Variants in RIN2 observed in about 807,000 individuals in gnomAD.
RIN2 encodes the protein Ras and Rab interactor 2, also known as RAB5 interacting protein 2.
Under a neutral mutation model 78.0 loss-of-function variants are expected in RIN2, and 36 were observed. That is an observed-to-expected ratio of 0.46 (90% CI 0.35 to 0.61). The LOEUF is 0.61. Ranked by LOEUF, RIN2 falls within the 20% of genes least tolerant of loss-of-function variation. The pLI, the probability that RIN2 is intolerant of heterozygous loss-of-function variation, is 0.00. For synonymous variants in RIN2, 466 were observed against 466.8 expected (o/e 1.00, Z 0.02); for missense variants, 1,087 against 1,159.7 (o/e 0.94, Z 0.91).
chr20:19,888,487 CCTGCAGCAGCAG>C (rs1247113872), intron 2 of RIN2, among the ~76,000 whole-genome samples: 7 of 152,210 alleles, frequency 4.6e-5, no homozygotes, highest in African/African-American at 1.7e-4. Flanking sequence ...CCTCAGTGAA[CCTGCAGCAGCAG>C]CTGCCTTAGC....
intron 2 of RIN2, among the ~76,000 whole-genome samples, chr20:19,841,667 T>C (rs1009507550): frequency 6.6e-6 from 1 of 152,120 alleles, no homozygotes; most frequent in African/African-American, 2.4e-5. Flanking sequence ...AGAAAAAGCA[T>C]TTAAGGATGC....
chr20:19,912,632 C>T (rs2039523766), intron 3 of RIN2, among the ~76,000 whole-genome samples: 1 of 152,052 alleles, frequency 6.6e-6, no homozygotes, highest in South Asian at 2.1e-4. Flanking sequence ...GCGCCTGCCA[C>T]CATGCCCAGC....
chr20:19,862,164 C>T (rs2037363838), intron 2 of RIN2, among the ~76,000 whole-genome samples: 1 of 152,242 alleles, frequency 6.6e-6, no homozygotes, highest in African/African-American at 2.4e-5. Flanking sequence ...GATGTTTCCT[C>T]TTGGTAATAT....
chr20:19,800,754 G>C (rs542771708), intron 2 of RIN2, among the ~76,000 whole-genome samples: 1 of 152,192 alleles, frequency 6.6e-6, no homozygotes, highest in African/African-American at 2.4e-5. Flanking sequence ...GCAGATTCAT[G>C]AGCAAAATAA....
chr20:19,815,544 CT>C (rs1330187855), intron 2 of RIN2, among the ~76,000 whole-genome samples: 11 of 152,156 alleles, frequency 7.2e-5, no homozygotes, highest in African/African-American at 2.7e-4. Flanking sequence ...AGTTGCTTTT[CT>C]TTTTCTTCTT....
At chr20:19,795,135 G>A (rs977035552) in intron 1 of RIN2, among the ~76,000 whole-genome samples, 1 of 152,222 alleles carries the variant, frequency 6.6e-6, no homozygotes, top group Admixed American at 6.5e-5. Flanking sequence ...GGTCAGGACA[G>A]CATCCCAAGT....
chr20:19,921,686 G>A (rs1406457689), intron 3 of RIN2, among the ~76,000 whole-genome samples: 1 of 152,170 alleles, frequency 6.6e-6, no homozygotes, highest in Non-Finnish European at 1.5e-5. Context: ...GGGTTCCCCA[G>A]AAACAGGCCC....
intron 3 of RIN2, among the ~76,000 whole-genome samples, chr20:19,934,196 A>T (rs2040544276): frequency 6.6e-6 from 1 of 152,246 alleles, no homozygotes; most frequent in Admixed American, 6.5e-5. Flanking sequence ...AGAAATTAAA[A>T]TGAAGGAATT....
intron 3 of RIN2, among the ~76,000 whole-genome samples, chr20:19,897,612 T>G (rs1265944377): frequency 6.6e-6 from 1 of 152,100 alleles, no homozygotes; most frequent in Non-Finnish European, 1.5e-5. Context: ...CCTGCTCTGG[T>G]TCTTCTGTGA....
At chr20:19,758,021 G>C (rs1003588477), upstream of RIN2, 2 of 152,364 alleles carry the variant, frequency 1.3e-5, no homozygotes, top group African/African-American at 4.8e-5. Flanking sequence ...CTGGGGTCGC[G>C]CAGGCGCCTT....
chr20:19,930,749 T>C (rs1387052057), intron 3 of RIN2, among the ~76,000 whole-genome samples: 3 of 152,146 alleles, frequency 2.0e-5, no homozygotes, highest in Non-Finnish European at 4.4e-5. Context: ...TCAGCAGACG[T>C]ACCCAAACTC....
intron 5 of RIN2, 46 bp from the exon 6 acceptor site, chr20:19,960,654 C>A: frequency 7.2e-7 from 1 of 1,389,272 alleles, no homozygotes; most frequent in Non-Finnish European, 1.0e-6. Flanking sequence ...TGGGTTCCAA[C>A]ATTCTAGATA....
Position 20,001,031 on chromosome 20 carries a change from C to T in RIN2, c.*95C>T. 8.3e-7 allele frequency: 1 copy of T among 1,207,090 alleles called. No homozygotes were observed. The highest frequency in any genetic ancestry group is 1.5e-5 in the South Asian group (1 of 66,638). The allele number at this position is 1,207,090 out of a possible 1,614,324, so 74.8% of individuals were successfully genotyped here. Reference sequence around the variant, plus strand: ...GCTTGAGCTTGAAAAGCAGTCACCTCCTCGGGGACCCCTCAGTGTAGTGAC... The same window carrying T: ...GCTTGAGCTTGAAAAGCAGTCACCTTCTCGGGGACCCCTCAGTGTAGTGAC... On this transcript the variant is annotated 3_prime_UTR_variant, in exon 13 of 13. Coordinates refer to ENST00000255006, the MANE Select transcript of RIN2 (RefSeq NM_018993.4).
intron 7 of RIN2, among the ~76,000 whole-genome samples, chr20:19,967,672 G>T (rs2146288429): frequency 6.6e-6 from 1 of 152,336 alleles, no homozygotes; most frequent in South Asian, 2.1e-4. Context: ...GGTGTTATCA[G>T]TGTAGTAGTG....
At chr20:19,957,673 TCC>T (rs72147607) in intron 5 of RIN2, among the ~76,000 whole-genome samples, 32 of 143,508 alleles carry the variant, frequency 2.2e-4, no homozygotes, top group South Asian at 4.3e-4. Context: ...CAAGAATCTG[TCC>T]CCCCCAAAAA....
At chr20:19,906,030 A>T (rs1246690707) in intron 3 of RIN2, among the ~76,000 whole-genome samples, 1 of 152,186 alleles carries the variant, frequency 6.6e-6, no homozygotes, top group Non-Finnish European at 1.5e-5. Context: ...CAGGGCCATG[A>T]ATCTATATAA....
At chr20:19,931,740 A>G (rs1275459773) in intron 3 of RIN2, among the ~76,000 whole-genome samples, 2 of 150,360 alleles carry the variant, frequency 1.3e-5, no homozygotes, top group Non-Finnish European at 2.9e-5. Flanking sequence ...TTTCAAAAAA[A>G]GCCTTTTGGG....
At chr20:19,768,506 C>T (rs539302724) in intron 1 of RIN2, among the ~76,000 whole-genome samples, 1 of 152,358 alleles carries the variant, frequency 6.6e-6, no homozygotes, top group South Asian at 2.1e-4. Context: ...CATCCTCTGA[C>T]AGGGACCCAG....
In RIN2 at chr20:19,937,692, T is replaced by C. The variant is rs192988983; in HGVS notation, c.158+2493T>C. On this transcript the variant is annotated intron_variant, in intron 4 of 12. Coordinates refer to ENST00000255006, the MANE Select transcript of RIN2 (RefSeq NM_018993.4). ...ATAAAATAACATATATAGGATGTCA[T>C]GGGAAAAACAATTACAGTGAAGTCC... is the stretch of plus-strand genomic sequence containing the variant. Among the ~76,000 whole-genome samples, 36 of 152,348 alleles carry C rather than the reference T, an allele frequency of 2.4e-4. 1 individual carries two copies. Among genetic ancestry groups the C allele is most frequent in the Admixed American group, 2.4e-3 (36 of 15,308 alleles).
Sources: gnomAD v4.1 joint callset for allele counts (sites outside exome capture counted in the v4.1 genomes callset) on GRCh38, gnomAD v4.1.1 for gene constraint, MANE v1.5 for transcripts, NCBI Gene and HGNC (gene_info 2026-07-23, HGNC 2026-07-21) for gene names.